RAB31: variants seen among roughly 807,000 people sequenced by gnomAD.
The protein encoded by RAB31 is RAB31, member RAS oncogene family.
RAB31 carries 21 observed loss-of-function variants against 25.6 expected under a neutral mutation model. The ratio of observed to expected loss-of-function variants is 0.82; its 90% CI spans 0.58 to 1.18. The LOEUF is 1.18. RAB31 is among the 50% of genes most tolerant of loss of function. The pLI is 0.00. For missense variants in RAB31, 196 were observed against 250.1 expected, an observed-to-expected ratio of 0.78 and a Z score of 1.46; for synonymous variants, 87 against 84.0, an observed-to-expected ratio of 1.04 and a Z score of -0.20.
intron 5 of RAB31, among the ~76,000 whole-genome samples, chr18:9,843,954 A>G (rs570516945): frequency 4.0e-5 from 6 of 150,042 alleles, no homozygotes; most frequent in Admixed American, 4.0e-4. Flanking sequence ...TCTTGAAGCC[A>G]TTTACAGGCT....
chr18:9,819,990 A>G (rs1038176553), intron 5 of RAB31, among the ~76,000 whole-genome samples: 1 of 152,038 alleles, frequency 6.6e-6, no homozygotes, highest in African/African-American at 2.4e-5. Flanking sequence ...ATACAAGATT[A>G]TATTATCTGG....
chr18:9,748,547 C>G (rs117642515), intron 1 of RAB31, among the ~76,000 whole-genome samples: 2 of 151,540 alleles, frequency 1.3e-5, no homozygotes, highest in Non-Finnish European at 2.9e-5. Flanking sequence ...GCCTAAAGAA[C>G]GTAAAATTTG....
At chr18:9,826,622 A>G (rs1475978203) in intron 5 of RAB31, among the ~76,000 whole-genome samples, 1 of 152,192 alleles carries the variant, frequency 6.6e-6, no homozygotes, top group African/African-American at 2.4e-5. Context: ...TTGGTGAAAG[A>G]TTTTCCTATT....
intron 3 of RAB31, 66 bp downstream of exon 3, chr18:9,792,301 T>G: frequency 6.5e-7 from 1 of 1,544,126 alleles, no homozygotes; most frequent in Non-Finnish European, 8.8e-7. Flanking sequence ...TCTGAAGGTT[T>G]GTTTGCATTA....
chr18:9,817,860 C>T (rs969860989), intron 5 of RAB31, among the ~76,000 whole-genome samples: 2 of 152,180 alleles, frequency 1.3e-5, no homozygotes, highest in Non-Finnish European at 2.9e-5. Flanking sequence ...CACTTCCAAC[C>T]GTGAATTTAC....
chr18:9,750,041 A>G (rs755029253), intron 1 of RAB31, among the ~76,000 whole-genome samples: 1 of 152,186 alleles, frequency 6.6e-6, no homozygotes, highest in Non-Finnish European at 1.5e-5. Flanking sequence ...ACGTAGCTGT[A>G]ACCGCAGCTA....
intron 5 of RAB31, among the ~76,000 whole-genome samples, chr18:9,835,309 T>C (rs1048173101): frequency 1.3e-5 from 2 of 152,040 alleles, no homozygotes; most frequent in Non-Finnish European, 2.9e-5. Flanking sequence ...TATGATCCGC[T>C]CAGAGGATTT....
At chr18:9,715,135 G>A (rs1230875178) in intron 1 of RAB31, among the ~76,000 whole-genome samples, 1 of 152,192 alleles carries the variant, frequency 6.6e-6, no homozygotes. Context: ...TGAGGCAGGA[G>A]GTGTTGCATG....
intron 6 of RAB31, among the ~76,000 whole-genome samples, chr18:9,854,142 C>T (rs2068803761): frequency 6.6e-6 from 1 of 151,990 alleles, no homozygotes; most frequent in Non-Finnish European, 1.5e-5. Context: ...CCCAACCCCT[C>T]AACAGGTCCT....
At chr18:9,793,655 C>G (rs1342288459) in intron 3 of RAB31, among the ~76,000 whole-genome samples, 1 of 150,234 alleles carries the variant, frequency 6.7e-6, no homozygotes, top group Non-Finnish European at 1.5e-5. Flanking sequence ...GAGTGAGACT[C>G]CAGCTCAAAA....
chr18:9,731,028 G>C (rs1020291582), intron 1 of RAB31, among the ~76,000 whole-genome samples: 1 of 152,198 alleles, frequency 6.6e-6, no homozygotes, highest in African/African-American at 2.4e-5. Flanking sequence ...GAACCACAGG[G>C]TGAGTGAATG....
chr18:9,788,573 A>C (rs2068445039), intron 2 of RAB31, among the ~76,000 whole-genome samples: 2 of 152,244 alleles, frequency 1.3e-5, no homozygotes, highest in African/African-American at 4.8e-5. Context: ...AAGGAGAGTG[A>C]ATCACTATAT....
intron 1 of RAB31, among the ~76,000 whole-genome samples, chr18:9,720,674 C>CTCT (rs2068069581): frequency 1.5e-5 from 2 of 134,126 alleles, no homozygotes; most frequent in Non-Finnish European, 3.2e-5. Flanking sequence ...GTAATTTTCT[C>CTCT]TTTTTTTTTT....
At chr18:9,824,210 G>A (rs1435396330) in intron 5 of RAB31, among the ~76,000 whole-genome samples, 1 of 150,386 alleles carries the variant, frequency 6.6e-6, no homozygotes, top group Non-Finnish European at 1.5e-5. Flanking sequence ...ATGTAGATGT[G>A]TTTGTATGTG....
chr18:9,735,321 A>C (rs1473085794), intron 1 of RAB31: 1 of 195,172 alleles, frequency 5.1e-6, no homozygotes, highest in African/African-American at 2.3e-5. Context: ...CCCGGCCCTC[A>C]GTCTTGTTTT....
At position 9,708,530 on chromosome 18, in the gene RAB31, C is replaced by T. The variant is rs1357477753; in HGVS notation, c.39+86C>T. On this transcript the variant is annotated intron_variant, in intron 1 of 6. Coordinates refer to ENST00000578921, the MANE Select transcript of RAB31 (RefSeq NM_006868.4). This position sits in a 1 kb window ranked among gnomAD's most constrained non-coding sequence, Gnocchi z 6.4. ...CCCTATTCCCTGCGCGCTCAGTCCC[C>T]GTGATCCCCTCGCTCTCCGCACCCC... 4.1e-6 allele frequency: 5 copies of T among 1,217,186 alleles called. No homozygotes were observed. The highest frequency in any genetic ancestry group is 5.6e-5 in the Admixed American group (2 of 35,658). The allele number at this position is 1,217,186 out of a possible 1,614,324, so 75.4% of individuals were successfully genotyped here.
intron 2 of RAB31, among the ~76,000 whole-genome samples, chr18:9,789,315 G>C (rs977494655): frequency 6.6e-6 from 1 of 152,154 alleles, no homozygotes; most frequent in African/African-American, 2.4e-5. Flanking sequence ...GTGTTCTGTA[G>C]CACTGTAGGA....
At chr18:9,759,515 G>A (rs1361752532) in intron 1 of RAB31, among the ~76,000 whole-genome samples, 1 of 151,308 alleles carries the variant, frequency 6.6e-6, no homozygotes, top group Non-Finnish European at 1.5e-5. Flanking sequence ...ATTGCTTTGC[G>A]AATCTCATGA....
chr18:9,826,938 T>C (rs544755685), intron 5 of RAB31, among the ~76,000 whole-genome samples: 1 of 152,166 alleles, frequency 6.6e-6, no homozygotes, highest in African/African-American at 2.4e-5. Flanking sequence ...TCACACTTCC[T>C]CTGACAAGCA....
Sources: gnomAD v4.1 joint callset for allele counts (sites outside exome capture counted in the v4.1 genomes callset) on GRCh38, gnomAD v4.1.1 for gene constraint, Gnocchi (gnomAD v3.1) non-coding constraint, MANE v1.5 for transcripts, NCBI Gene and HGNC (gene_info 2026-07-23, HGNC 2026-07-21) for gene names.